Variants in COL25A1 observed in about 807,000 individuals in gnomAD.
The protein encoded by COL25A1 is collagen alpha-1(XXV) chain.
Under a neutral mutation model 128.4 loss-of-function variants are expected in COL25A1, and 103 were observed. That is an observed-to-expected ratio of 0.80 (90% confidence interval 0.68 to 0.94). The LOEUF (loss-of-function observed/expected upper bound fraction) is 0.94, where lower values mean the gene tolerates loss of function less well. Ranked by LOEUF, COL25A1 falls within the 40% of genes least tolerant of loss-of-function variation. The pLI, the probability that COL25A1 is intolerant of heterozygous loss-of-function variation, is 0.00. For missense variants in COL25A1, 745 were observed against 840.0 expected (o/e 0.89, Z 1.40); for synonymous variants, 279 against 277.2 (o/e 1.01, Z -0.06).
At chr4:108,917,668 G>C (rs1352577163) in intron 13 of COL25A1, among the ~76,000 whole-genome samples, 1 of 152,148 alleles carries the variant, frequency 6.6e-6, no homozygotes, top group East Asian at 1.9e-4. Context: ...TACAATAAAA[G>C]TGTATGTAAT....
At chr4:109,244,011 T>C (rs931862803) in intron 3 of COL25A1, among the ~76,000 whole-genome samples, 1 of 151,902 alleles carries the variant, frequency 6.6e-6, no homozygotes, top group African/African-American at 2.4e-5. Context: ...CTTTTCTACA[T>C]AGAGGATTCT....
At chr4:108,915,294 A>G (rs770088188) in intron 13 of COL25A1, among the ~76,000 whole-genome samples, 3 of 152,222 alleles carry the variant, frequency 2.0e-5, no homozygotes, top group Non-Finnish European at 2.9e-5. Flanking sequence ...TATTTTGCCA[A>G]CCTGAATGGA....
chr4:108,858,173 C>T (rs1242261794), intron 24 of COL25A1, among the ~76,000 whole-genome samples: 1 of 152,020 alleles, frequency 6.6e-6, no homozygotes, highest in Non-Finnish European at 1.5e-5. Context: ...GAAGCTTGGG[C>T]TTGATAGAAC....
At chr4:108,817,361 A>T (rs1294952190) in intron 37 of COL25A1, 36 bp downstream of exon 37, 2 of 1,604,414 alleles carry the variant, frequency 1.2e-6, no homozygotes, top group South Asian at 2.2e-5. Flanking sequence ...AGAAAGGGAG[A>T]GTGCTTCTTT....
At chr4:109,017,539 T>C (rs1475306688) in intron 5 of COL25A1, among the ~76,000 whole-genome samples, 1 of 152,242 alleles carries the variant, frequency 6.6e-6, no homozygotes, top group Non-Finnish European at 1.5e-5. Context: ...TTTGGATCTC[T>C]GACTGAGGAA....
At chr4:109,232,902 A>C (rs1779248129) in intron 3 of COL25A1, among the ~76,000 whole-genome samples, 1 of 152,162 alleles carries the variant, frequency 6.6e-6, no homozygotes, top group Non-Finnish European at 1.5e-5. Context: ...TGTTCTGAAA[A>C]CAGTTCAAGA....
At chr4:108,960,934 G>A (rs1009639870) in intron 8 of COL25A1, among the ~76,000 whole-genome samples, 4 of 114,888 alleles carry the variant, frequency 3.5e-5, no homozygotes, top group Admixed American at 2.5e-4. Context: ...GTTAAGGTAT[G>A]CAAGGTAGCA....
intron 6 of COL25A1, among the ~76,000 whole-genome samples, chr4:108,995,051 G>A (rs1340039150): frequency 3.3e-5 from 5 of 152,138 alleles, no homozygotes; most frequent in Non-Finnish European, 5.9e-5. Context: ...AAAACAGAGT[G>A]CCTCTTCTCC....
chr4:108,817,155 C>A (rs1731323341), intron 37 of COL25A1, among the ~76,000 whole-genome samples: 1 of 152,102 alleles, frequency 6.6e-6, no homozygotes, highest in South Asian at 2.1e-4. Context: ...GGATGCACTG[C>A]CCCTTTCCAT....
intron 3 of COL25A1, among the ~76,000 whole-genome samples, chr4:109,081,039 G>A (rs1256457253): frequency 6.6e-6 from 1 of 152,156 alleles, no homozygotes; most frequent in African/African-American, 2.4e-5. Context: ...TCACATTGCT[G>A]GCGAGTAGGG....
intron 5 of COL25A1, among the ~76,000 whole-genome samples, chr4:109,014,063 T>G (rs1262991312): frequency 6.6e-6 from 1 of 152,156 alleles, no homozygotes; most frequent in Non-Finnish European, 1.5e-5. Flanking sequence ...TTCCAGCACT[T>G]TGGGAGGCCG....
At chr4:108,969,440 T>A (rs545220849) in intron 8 of COL25A1, among the ~76,000 whole-genome samples, 82 of 152,344 alleles carry the variant, frequency 5.4e-4, no homozygotes, top group African/African-American at 1.9e-3. Flanking sequence ...CTTAGTAACA[T>A]CATTGAATCA....
At chr4:108,938,778 A>ACCCGGGAG (rs1355120558) in intron 10 of COL25A1, among the ~76,000 whole-genome samples, 1 of 151,958 alleles carries the variant, frequency 6.6e-6, no homozygotes, top group Non-Finnish European at 1.5e-5. Flanking sequence ...AATGGTGTGA[A>ACCCGGGAG]CCCGGGAGGC....
At chr4:108,985,739 T>C (rs1753606492) in intron 6 of COL25A1, among the ~76,000 whole-genome samples, 1 of 152,200 alleles carries the variant, frequency 6.6e-6, no homozygotes, top group African/African-American at 2.4e-5. Flanking sequence ...AGTTTGTGTC[T>C]AAACCTTTTT....
At position 108,855,459 on chromosome 4, in the gene COL25A1, T is replaced by C. The variant is rs78395590; in HGVS notation, c.1321-2534A>G. Reference sequence around the variant, plus strand: ...AATTAAGGAGTAGAAATAATTTCTTTATCATTGTCTTCCAATTACATGTTA... The same window carrying C: ...AATTAAGGAGTAGAAATAATTTCTTCATCATTGTCTTCCAATTACATGTTA... On this transcript the variant is annotated intron_variant, in intron 24 of 37. Transcript: ENST00000399132. Among the ~76,000 whole-genome samples, 1,082 of 152,136 alleles carry C rather than the reference T, an allele frequency of 7.1e-3. 14 individuals are homozygous for C. The highest frequency in any genetic ancestry group is 0.025 in the African/African-American group (1,036 of 41,504).
chr4:109,217,094 C>T (rs1778055265), intron 3 of COL25A1, among the ~76,000 whole-genome samples: 1 of 150,552 alleles, frequency 6.6e-6, no homozygotes, highest in African/African-American at 2.4e-5. Flanking sequence ...GTTTGCCTAA[C>T]AAATACTATC....
rs753772553 is a variant in COL25A1, at chr4:109,022,316, C to T, written c.421-11941G>A. The stretch of plus-strand genomic sequence containing the variant: ...GGGGGCGGGTTCCCCCGATATTTCA[C>T]GATCCATGATATCAACCATCTTAAA... On this transcript the variant is annotated intron_variant, in intron 5 of 37. Transcript: ENST00000399132. 96 of 345,990 alleles carry T rather than the reference C, an allele frequency of 2.8e-4. 1 individual carries two copies. In the Middle Eastern group the frequency reaches 5.2e-3, roughly 19 times the overall value. The allele number at this position is 345,990 out of a possible 1,614,324, so 21.4% of individuals were successfully genotyped here.
intron 8 of COL25A1, among the ~76,000 whole-genome samples, chr4:108,967,217 A>AGTGATTGGCGTATT (rs1423302855): frequency 2.0e-5 from 3 of 152,334 alleles, no homozygotes; most frequent in Non-Finnish European, 4.4e-5. Context: ...GACATCATAG[A>AGTGATTGGCGTATT]GTGATTGGCG....
intron 11 of COL25A1, among the ~76,000 whole-genome samples, chr4:108,936,558 C>G (rs940641976): frequency 2.0e-5 from 3 of 152,064 alleles, no homozygotes; most frequent in African/African-American, 7.2e-5. Context: ...CAGAGCAAGA[C>G]TCTGTCTCAA....
Sources: allele counts gnomAD v4.1 joint callset (sites outside exome capture counted in the v4.1 genomes callset), GRCh38; gene constraint gnomAD v4.1.1; transcripts MANE v1.5; gene names NCBI Gene and HGNC (gene_info 2026-07-23, HGNC 2026-07-21).